ARHGAP26: variants seen among roughly 807,000 people sequenced by gnomAD.
ARHGAP26 encodes the protein Rho GTPase activating protein 26, also known as rho GTPase-activating protein 26.
A neutral mutation model predicts 104.8 loss-of-function variants in ARHGAP26; 38 were observed. The ratio of observed to expected loss-of-function variants is 0.36; its 90% confidence interval spans 0.28 to 0.48. ARHGAP26 has a LOEUF of 0.48. Among genes scored for constraint, ARHGAP26 ranks in the 20% least tolerant of loss-of-function variants. The pLI, the probability that ARHGAP26 is intolerant of heterozygous loss-of-function variation, is 0.99. For missense variants in ARHGAP26, 704 were observed against 947.9 expected, an observed-to-expected ratio of 0.74 and a Z score of 3.38; for synonymous variants, 341 against 340.0, an observed-to-expected ratio of 1.00 and a Z score of -0.03.
chr5:142,795,290 C>T (rs953214307), intron 1 of ARHGAP26, among the ~76,000 whole-genome samples: 1 of 152,152 alleles, frequency 6.6e-6, no homozygotes, highest in East Asian at 1.9e-4. Context: ...GTGACCACCT[C>T]GTAGGGTTAT....
At position 143,056,047 on chromosome 5, in the gene ARHGAP26, A is replaced by G. The variant is rs1180221937; in HGVS notation, c.1393A>G (p.Met465Val). Reference sequence around the variant, plus strand: ...CTCCAGAATGCTTCCAGGACCACTCATGATGTACCAGTTTCAAAGAAGTTT... The same window carrying G: ...CTCCAGAATGCTTCCAGGACCACTCGTGATGTACCAGTTTCAAAGAAGTTT... Reference protein sequence around the residue: ...TYLRMLPGPLMMYQFQRSFIK... With the variant: ...TYLRMLPGPLVMYQFQRSFIK... The change falls in exon 16 of 23, where the codon ATG becomes GTG. Residue 465 changes from methionine to valine, a missense_variant. Met to Val is a conservative substitution (Grantham distance 21). This residue lies in a region of ARHGAP26 where 287 missense variants were observed against 438.8 expected (regional missense o/e 0.65). Transcript: ENST00000645722. 1.2e-6 allele frequency: 2 copies of G among 1,613,312 alleles called. No homozygotes were observed.
intron 1 of ARHGAP26, among the ~76,000 whole-genome samples, chr5:142,786,890 C>T (rs889342768): frequency 1.3e-5 from 2 of 152,028 alleles, no homozygotes; most frequent in African/African-American, 4.8e-5. Context: ...CGTGATCTGC[C>T]CGCCTTGGCC....
At chr5:142,862,597 G>C (rs1029681237) in intron 1 of ARHGAP26, among the ~76,000 whole-genome samples, 1 of 152,210 alleles carries the variant, frequency 6.6e-6, no homozygotes, top group Non-Finnish European at 1.5e-5. Context: ...GTGGTACTCA[G>C]ATTTCTAACT....
chr5:142,898,547 A>C (rs988975486), intron 6 of ARHGAP26, among the ~76,000 whole-genome samples: 6 of 152,004 alleles, frequency 3.9e-5, no homozygotes, highest in East Asian at 3.9e-4. Context: ...TGGACTTTGC[A>C]TTCTGCCTTG....
At chr5:143,083,613 C>A (rs1408136223) in intron 17 of ARHGAP26, among the ~76,000 whole-genome samples, 1 of 152,158 alleles carries the variant, frequency 6.6e-6, no homozygotes, top group Non-Finnish European at 1.5e-5. Context: ...ATGCTCCTGC[C>A]TCAGCCTTCC....
intron 9 of ARHGAP26, among the ~76,000 whole-genome samples, chr5:142,909,618 A>G (rs1445626974): frequency 6.6e-6 from 1 of 152,256 alleles, no homozygotes; most frequent in African/African-American, 2.4e-5. Flanking sequence ...CAGGGGCAGG[A>G]TTGATTTATA....
chr5:143,205,523 A>C (rs536217438), intron 20 of ARHGAP26, among the ~76,000 whole-genome samples: 7 of 152,242 alleles, frequency 4.6e-5, no homozygotes, highest in African/African-American at 1.7e-4. Context: ...AGGTATCTAA[A>C]GGAAACACAT....
intron 16 of ARHGAP26, 116 bp downstream of exon 16, chr5:143,056,202 G>A: frequency 1.2e-6 from 1 of 805,540 alleles, no homozygotes; most frequent in Non-Finnish European, 2.0e-6. Flanking sequence ...ACATAAACTG[G>A]CCACATAACA....
At chr5:143,208,269 C>T (rs762258280) in intron 21 of ARHGAP26, among the ~76,000 whole-genome samples, 2 of 152,332 alleles carry the variant, frequency 1.3e-5, no homozygotes, top group South Asian at 2.1e-4. Flanking sequence ...CCTAAACGTG[C>T]TTCTCTCTCA....
At chr5:143,012,570 T>TATATACATATATATATATATACACACAC (rs1779017516) in intron 11 of ARHGAP26, among the ~76,000 whole-genome samples, 1 of 87,418 alleles carries the variant, frequency 1.1e-5, no homozygotes, top group Non-Finnish European at 2.7e-5. Flanking sequence ...TATATATATA[T>TATATACATATATATATATATACACACAC]ATATATTATG....
At chr5:142,842,807 G>A (rs1056072858) in intron 1 of ARHGAP26, among the ~76,000 whole-genome samples, 20 of 152,318 alleles carry the variant, frequency 1.3e-4, no homozygotes, top group East Asian at 3.9e-4. Context: ...GGCTTAGAAC[G>A]TAATTGTTTA....
At chr5:142,838,649 G>A (rs1770099424) in intron 1 of ARHGAP26, among the ~76,000 whole-genome samples, 2 of 152,208 alleles carry the variant, frequency 1.3e-5, no homozygotes, top group East Asian at 3.8e-4. Flanking sequence ...ATCTTGGAGT[G>A]TCCTGTATAT....
intron 16 of ARHGAP26, among the ~76,000 whole-genome samples, chr5:143,056,779 C>G (rs895519827): frequency 6.6e-6 from 1 of 152,242 alleles, no homozygotes; most frequent in East Asian, 1.9e-4. Context: ...GTGTCTCTCC[C>G]GGGTTCCTTT....
intron 11 of ARHGAP26, among the ~76,000 whole-genome samples, chr5:142,986,433 A>AAAC (rs1359514173): frequency 6.6e-6 from 1 of 152,182 alleles, no homozygotes; most frequent in Non-Finnish European, 1.5e-5. Context: ...GGTAGATTGT[A>AAAC]AAAGTTCTCT....
intron 1 of ARHGAP26, among the ~76,000 whole-genome samples, chr5:142,860,791 C>T (rs187601937): frequency 9.5e-4 from 144 of 152,274 alleles, no homozygotes; most frequent in Middle Eastern, 3.4e-3. Flanking sequence ...TTAGAAGATC[C>T]GGCTTGCTCT....
intron 18 of ARHGAP26, among the ~76,000 whole-genome samples, chr5:143,126,707 G>A (rs769326543): frequency 3.9e-5 from 6 of 152,148 alleles, no homozygotes; most frequent in Admixed American, 2.6e-4. Context: ...CCTTACCGTG[G>A]ACTCTCCTTG....
chr5:142,899,520 C>T (rs1290246985), intron 6 of ARHGAP26, among the ~76,000 whole-genome samples: 1 of 152,118 alleles, frequency 6.6e-6, no homozygotes, highest in Non-Finnish European at 1.5e-5. Flanking sequence ...GTGGTTGCCC[C>T]GTGGACAGCT....
At chr5:142,901,813 A>AT (rs1760382252) in intron 6 of ARHGAP26, 122 bp from the exon 7 acceptor site, 2 of 756,730 alleles carry the variant, frequency 2.6e-6, no homozygotes, top group African/African-American at 3.5e-5. Context: ...TGCTCTTTAA[A>AT]TGTCAGCCAT....
intron 11 of ARHGAP26, among the ~76,000 whole-genome samples, chr5:142,997,393 T>C (rs1403365080): frequency 6.6e-6 from 1 of 152,030 alleles, no homozygotes; most frequent in Non-Finnish European, 1.5e-5. Flanking sequence ...TAAACAAATA[T>C]CATTTTCCTT....
Sources: allele counts gnomAD v4.1 joint callset (sites outside exome capture counted in the v4.1 genomes callset), GRCh38; gene constraint gnomAD v4.1.1; regional missense constraint gnomAD v4.1.1; transcripts MANE v1.5; gene names NCBI Gene and HGNC (gene_info 2026-07-23, HGNC 2026-07-21).